Variants in SLC4A9 observed in about 807,000 individuals in gnomAD.
SLC4A9 encodes the protein solute carrier family 4 member 9, also known as anion exchange protein 4.
A neutral mutation model predicts 103.2 loss-of-function variants in SLC4A9; 102 were observed. That is an observed-to-expected ratio of 0.99 (90% CI 0.84 to 1.17). SLC4A9 has a LOEUF of 1.17. SLC4A9 is among the 50% of genes most tolerant of loss of function. The pLI is 0.00. For synonymous variants in SLC4A9, 453 were observed against 483.6 expected (o/e 0.94, Z 0.83); for missense variants, 1,091 against 1,193.7 (o/e 0.91, Z 1.27).
chr5:140,362,272 G>A, intron 5 of SLC4A9, 98 bp downstream of exon 5: 2 of 1,361,610 alleles, frequency 1.5e-6, no homozygotes, highest in South Asian at 1.5e-5. Flanking sequence ...CTCTGAGGCT[G>A]TGGGGAGGAT....
chr5:140,364,949 G>A (rs144857441), intron 11 of SLC4A9, among the ~76,000 whole-genome samples: 1 of 152,314 alleles, frequency 6.6e-6, no homozygotes, highest in Non-Finnish European at 1.5e-5. Context: ...CTTACCCCAG[G>A]GGAGTAGAGC....
chr5:140,371,002 G>T (rs1010617774), intron 17 of SLC4A9, 93 bp from the exon 18 acceptor site: 13 of 1,107,954 alleles, frequency 1.2e-5, no homozygotes, highest in African/African-American at 1.1e-4. Context: ...CTGGATGCTA[G>T]ATGCTAGAGG....
Position 140,364,395 on chromosome 5 carries a change from T to A in SLC4A9, c.1421T>A (p.Leu474Gln), listed in dbSNP as rs762853092. The A allele has an allele frequency of 5.0e-6, 8 of 1,613,338 alleles. No individual in the cohort carries two copies. In the Admixed American group the frequency reaches 5.0e-5, roughly 10 times the overall value. Residue 474 changes from leucine to glutamine, a missense_variant, in exon 11 of 22, where the codon CTA becomes CAA. Leu to Gln is a moderately radical substitution (Grantham distance 113, BLOSUM62 -2). Coordinates refer to ENST00000506757, the MANE Select transcript of SLC4A9 (RefSeq NM_031467.3). ...AGCCTGGACTACCTGCCCTTCCGCC[T>A]ATGGGTGGGCATCTGGGTGGCTACC... ...DYSLDYLPFR[L>Q]WVGIWVATFC...
chr5:140,367,168 G>T (rs6878367), intron 14 of SLC4A9, among the ~76,000 whole-genome samples: 1 of 152,184 alleles, frequency 6.6e-6, no homozygotes, highest in East Asian at 1.9e-4. Context: ...ACCTCCTTCT[G>T]TTCCAGGGAG....
chr5:140,360,803 T>C lies in SLC4A9; in HGVS notation c.231-9T>C. ...CCTCAATAACACTGTCTACCCACCT[T>C]CATCACAGGTGGGTACTGTTTGAGG... On this transcript the variant is annotated splice_polypyrimidine_tract_variant and intron_variant, in intron 1 of 21. Coordinates refer to ENST00000506757, the MANE Select transcript of SLC4A9 (RefSeq NM_031467.3). The C allele has an allele frequency of 1.2e-6, 2 of 1,613,414 alleles. No individual in the cohort carries two copies. The highest frequency in any genetic ancestry group is 2.2e-5 in the South Asian group (2 of 91,016).
At chr5:140,368,201 A>T (rs887617307) in intron 16 of SLC4A9, among the ~76,000 whole-genome samples, 1 of 152,244 alleles carries the variant, frequency 6.6e-6, no homozygotes, top group East Asian at 1.9e-4. Flanking sequence ...GAAGTTACAA[A>T]GGAATCCATC....
At chr5:140,367,272 G>T (rs1231628825) in intron 14 of SLC4A9, 148 bp from the exon 15 acceptor site, 5 of 937,488 alleles carry the variant, frequency 5.3e-6, no homozygotes, top group Non-Finnish European at 7.9e-6. Flanking sequence ...GCACTGGGAT[G>T]CTTTGAACCA....
At chr5:140,367,988 TC>T in intron 16 of SLC4A9, 90 bp downstream of exon 16, 1 of 1,374,322 alleles carries the variant, frequency 7.3e-7, no homozygotes, top group Non-Finnish European at 1.0e-6. Flanking sequence ...CAGCTTAAAT[TC>T]TAAGCTGGTG....
Position 140,366,235 on chromosome 5 carries a change from C to A in SLC4A9, c.1984C>A (p.Pro662Thr). 3.7e-6 allele frequency: 6 copies of A among 1,601,440 alleles called. No individual in the cohort carries two copies. Among genetic ancestry groups the A allele is most frequent in the Middle Eastern group, 1.7e-4 (1 of 6,036 alleles). The change falls in exon 14 of 22, where the codon CCA becomes ACA. Residue 662 changes from proline to threonine, a missense_variant. Pro to Thr is a conservative substitution (Grantham distance 38, BLOSUM62 -1). Transcript: ENST00000506757. ...GLDAFLGLAT[P>T]KLMVPREFKP... Reference sequence around the variant, plus strand: ...TGATGCTTTCCTGGGCCTAGCCACACCAAAGCTCATGGTACCCAGAGAGTT... The same window carrying A: ...TGATGCTTTCCTGGGCCTAGCCACAACAAAGCTCATGGTACCCAGAGAGTT...
intron 14 of SLC4A9, 68 bp from the exon 15 acceptor site, chr5:140,367,349 AGGT>A: frequency 5.2e-6 from 8 of 1,528,166 alleles, no homozygotes; most frequent in Non-Finnish European, 7.1e-6. Context: ...AAGAATGCCA[AGGT>A]TGAGATGTGC....
chr5:140,361,099 AG>A (rs1293395591), intron 2 of SLC4A9, 127 bp downstream of exon 2: 1 of 1,211,720 alleles, frequency 8.3e-7, no homozygotes, highest in Admixed American at 2.4e-5. Context: ...CCCTTGTCAC[AG>A]GGTGGACATG....
Position 140,367,516 on chromosome 5 carries a change from ATCC to A in SLC4A9, c.2113_2115del (p.Leu705del), listed in dbSNP as rs1768064779. The A allele has an allele frequency of 6.2e-7, 1 of 1,604,708 alleles. No individual in the cohort carries two copies. The highest frequency in any genetic ancestry group is 1.1e-5 in the South Asian group (1 of 89,356). On this transcript the variant is annotated inframe_deletion, in exon 15 of 22. Coordinates refer to ENST00000506757, the MANE Select transcript of SLC4A9 (RefSeq NM_031467.3). ...TGCCCTGCCTGCCCTGCTGCTGTCT[ATCC>A]TCATCTTCATGGACCAACAGATCAC...
Position 140,367,964 on chromosome 5 carries a change from C to A in SLC4A9, c.2354+66C>A, listed in dbSNP as rs1768151600. On this transcript the variant is annotated intron_variant, in intron 16 of 21. Coordinates refer to ENST00000506757, the MANE Select transcript of SLC4A9 (RefSeq NM_031467.3). ...CAAGGTAAGGCAAAGGGGAACATGG[C>A]AGAGTTACTTGGGCAGCTTAAATTC... The A allele has an allele frequency of 2.6e-6, 4 of 1,547,078 alleles. No individual in the cohort carries two copies. The South Asian group carries it at 4.6e-5, about 18-fold the overall frequency.
At chr5:140,371,652 C>T in intron 19 of SLC4A9, 28 bp downstream of exon 19, 1 of 1,612,834 alleles carries the variant, frequency 6.2e-7, no homozygotes, top group Admixed American at 1.7e-5. Context: ...TGGGCTGTGT[C>T]CTGGAGGGTC....
rs756439769 is a variant in SLC4A9, at chr5:140,372,292, A to G, written c.2721A>G (p.Pro907=). 4 of 1,603,464 alleles carry G rather than the reference A, an allele frequency of 2.5e-6. No homozygotes were observed. The East Asian group carries it at 9.0e-5, about 36-fold the overall frequency. Residue 907 remains proline, a synonymous_variant, in exon 20 of 22, where the codon CCA becomes CCG. Transcript: ENST00000506757. ...VRKALERVFS[P]QELLWLDELM... The stretch of plus-strand genomic sequence containing the variant: ...AGGCCCTGGAGAGGGTCTTCTCACC[A>G]CAGGAACTCCTCTGGCTGGATGAGC...
At position 140,360,404 on chromosome 5, in the gene SLC4A9, C is replaced by T. The variant is rs1766891934; in HGVS notation, c.168C>T (p.Leu56=). 6.2e-7 allele frequency: 1 copy of T among 1,601,294 alleles called. No individual in the cohort carries two copies. Among genetic ancestry groups the T allele is most frequent in the Non-Finnish European group, 8.5e-7 (1 of 1,173,746 alleles). ...TGGGAGTACCCAAAGACCCTCTGCT[C>T]TTCATTCAGCTGAATGAGCTGCTGG... ...KELGVPKDPL[L]FIQLNELLGW... is the part of the protein sequence containing the mutation. Residue 56 remains leucine (L), a synonymous_variant, in exon 1 of 22, where the codon CTC becomes CTT. Transcript: ENST00000506757.
rs1768134330 is a variant in SLC4A9 at position 140,367,887 on chromosome 5, C to T, written c.2343C>T (p.Phe781=). 6.2e-7 allele frequency: 1 copy of T among 1,613,660 alleles called. No individual in the cohort carries two copies. Among genetic ancestry groups the T allele is most frequent in the African/African-American group, 1.3e-5 (1 of 74,910 alleles). ...GTGCCCCCGGGGAGCGCCCCAACTT[C>T]CTGGGTATCAGGTGAGGGCGGTATT... ...RACAPGERPN[F]LGIREQRLTG... Residue 781 remains phenylalanine, a synonymous_variant, in exon 16 of 22, where the codon TTC becomes TTT. Transcript: ENST00000506757.
chr5:140,369,995 T>G (rs1338331719), intron 17 of SLC4A9, among the ~76,000 whole-genome samples: 1 of 151,802 alleles, frequency 6.6e-6, no homozygotes, highest in African/African-American at 2.4e-5. Context: ...GAGTGAGATC[T>G]TGTCTCAAAA....
Position 140,365,963 on chromosome 5 carries a change from T to G in SLC4A9, c.1840T>G (p.Ser614Ala). The G allele has an allele frequency of 1.2e-6, 2 of 1,614,028 alleles. No individual in the cohort carries two copies. Among genetic ancestry groups the G allele is most frequent in the Non-Finnish European group, 1.7e-6 (2 of 1,179,908 alleles). Residue 614 changes from serine (S) to alanine (A), a missense_variant, in exon 13 of 22, where the codon TCT becomes GCT. Physicochemically the swap from Ser to Ala is moderately conservative, Grantham distance 99. Transcript: ENST00000506757. ...CTTCTCCCTTCTCCTCTTCCTTACT[T>G]CTTTCTTCTTTGCTATGGCCCTCAA... ...AFFSLLLFLT[S>A]FFFAMALKCV... is the part of the protein sequence containing the mutation.
Sources: gnomAD v4.1 joint callset for allele counts (sites outside exome capture counted in the v4.1 genomes callset) on GRCh38, gnomAD v4.1.1 for gene constraint, MANE v1.5 for transcripts, NCBI Gene and HGNC (gene_info 2026-07-23, HGNC 2026-07-21) for gene names.